The following DENND4A variants were observed in gnomAD, a reference collection of about 807,000 sequenced individuals.
The protein encoded by DENND4A is C-myc promoter-binding protein.
In DENND4A, 70 loss-of-function variants were observed where a neutral mutation model predicts 199.3. That is an observed-to-expected ratio of 0.35 (90% confidence interval 0.29 to 0.43). The LOEUF (loss-of-function observed/expected upper bound fraction) is 0.43, where lower values mean the gene tolerates loss of function less well. Among genes scored for constraint, DENND4A ranks in the 20% least tolerant of loss-of-function variants. The probability of loss-of-function intolerance (pLI) is 1.00; values close to 1 mark genes in which losing one functional copy is unlikely to be tolerated. For synonymous variants in DENND4A, 686 were observed against 766.9 expected (o/e 0.89, Z 1.74); for missense variants, 1,723 against 2,255.8 (o/e 0.76, Z 4.78).
chr15:65,749,665 C>A (rs1430459442), intron 4 of DENND4A, among the ~76,000 whole-genome samples: 1 of 151,656 alleles, frequency 6.6e-6, no homozygotes, highest in Non-Finnish European at 1.5e-5. Flanking sequence ...ACAATATTAT[C>A]AACCTCCACA....
chr15:65,755,317 T>C (rs965679003), intron 3 of DENND4A, among the ~76,000 whole-genome samples: 9 of 152,226 alleles, frequency 5.9e-5, no homozygotes, highest in African/African-American at 1.7e-4. Flanking sequence ...GTGGTGATGG[T>C]TGCAAAACTC....
At chr15:65,765,182 A>T (rs1283222021) in intron 1 of DENND4A, among the ~76,000 whole-genome samples, 1 of 152,198 alleles carries the variant, frequency 6.6e-6, no homozygotes, top group African/African-American at 2.4e-5. Context: ...GGCATCACTT[A>T]AGTGTTTGCA....
At chr15:65,714,740 T>G (rs968721205) in intron 14 of DENND4A, among the ~76,000 whole-genome samples, 2 of 152,192 alleles carry the variant, frequency 1.3e-5, no homozygotes, top group Non-Finnish European at 2.9e-5. Flanking sequence ...CTGTTTAGGT[T>G]CTGACACCCT....
intron 1 of DENND4A, among the ~76,000 whole-genome samples, chr15:65,783,431 T>C (rs1031794571): frequency 1.3e-4 from 20 of 152,222 alleles, no homozygotes; most frequent in African/African-American, 4.6e-4. Flanking sequence ...TACCTCAATA[T>C]AGATACAGAT....
chr15:65,687,165 C>CTGTATTTTT (rs769363641), intron 23 of DENND4A, among the ~76,000 whole-genome samples: 1 of 152,066 alleles, frequency 6.6e-6, no homozygotes, highest in Non-Finnish European at 1.5e-5. Flanking sequence ...CTACATCTCA[C>CTGTATTTTT]TGTATTTTTT....
intron 12 of DENND4A, among the ~76,000 whole-genome samples, chr15:65,720,413 ATT>A (rs200076757): frequency 5.7e-5 from 8 of 141,204 alleles, no homozygotes; most frequent in Admixed American, 7.1e-5. Context: ...AAAGCCTAGG[ATT>A]TTTTTTTTTT....
At chr15:65,699,275 C>T (rs60740684) in intron 20 of DENND4A, among the ~76,000 whole-genome samples, 2 of 151,870 alleles carry the variant, frequency 1.3e-5, no homozygotes, top group African/African-American at 4.8e-5. Flanking sequence ...GAGATAGGGG[C>T]CTTCATATTT....
At chr15:65,681,881 T>C (rs1474327391) in intron 23 of DENND4A, among the ~76,000 whole-genome samples, 1 of 152,186 alleles carries the variant, frequency 6.6e-6, no homozygotes, top group African/African-American at 2.4e-5. Flanking sequence ...GCTTTTCTAT[T>C]GGAGCTCTTG....
rs2075816195 is a variant in DENND4A, at chr15:65,660,422, TA to T, written c.*1428del. On this transcript the variant is annotated 3_prime_UTR_variant, in exon 33 of 33. Transcript: ENST00000443035. ...CAAGTGTCGTGGACTCTACTGGCTT[TA>T]TACACCTAATTTGGGACTATCCATT... 4.9e-6 allele frequency: 4 copies of T among 823,214 alleles called. No individual in the cohort carries two copies. In the Admixed American group the frequency reaches 1.1e-4, roughly 22 times the overall value. 51.0% of individuals were successfully genotyped at this position (823,214 alleles called of 1,614,324 possible). A position where few individuals can be genotyped will look rare whatever the true frequency, so the allele number is the denominator to read the frequency against.
intron 20 of DENND4A, among the ~76,000 whole-genome samples, chr15:65,699,466 C>T (rs1016035870): frequency 2.0e-5 from 3 of 151,608 alleles, no homozygotes; most frequent in Admixed American, 6.6e-5. Flanking sequence ...CGAACTTATA[C>T]TTCTATGAAA....
chr15:65,664,092 G>T (rs953380495), intron 32 of DENND4A, among the ~76,000 whole-genome samples: 1 of 151,998 alleles, frequency 6.6e-6, no homozygotes, highest in Non-Finnish European at 1.5e-5. Flanking sequence ...TCACAAGATT[G>T]TACAACTATC....
At chr15:65,783,946 A>T in intron 1 of DENND4A, among the ~76,000 whole-genome samples, 1 of 152,188 alleles carries the variant, frequency 6.6e-6, no homozygotes, top group Non-Finnish European at 1.5e-5. Context: ...TGTTTCCAAA[A>T]AGACGAGTAC....
At chr15:65,705,393 C>T (rs1376543009) in intron 15 of DENND4A, among the ~76,000 whole-genome samples, 3 of 152,060 alleles carry the variant, frequency 2.0e-5, no homozygotes, top group Non-Finnish European at 4.4e-5. Context: ...CTAAAAGAAA[C>T]TACAATTTTA....
intron 19 of DENND4A, 124 bp from the exon 20 acceptor site, chr15:65,700,799 T>C (rs778575843): frequency 1.9e-6 from 2 of 1,073,382 alleles, no homozygotes; most frequent in Non-Finnish European, 2.5e-6. Flanking sequence ...CTTAGCAAAA[T>C]ACAACTATAA....
intron 13 of DENND4A, among the ~76,000 whole-genome samples, chr15:65,716,225 CTTTT>C (rs566586671): frequency 1.4e-5 from 2 of 147,922 alleles, no homozygotes; most frequent in Non-Finnish European, 3.0e-5. Flanking sequence ...TAATTTCTTT[CTTTT>C]TTTTTTCTTT....
intron 14 of DENND4A, among the ~76,000 whole-genome samples, chr15:65,707,832 C>G (rs889899834): frequency 4.6e-5 from 7 of 151,884 alleles, no homozygotes; most frequent in Non-Finnish European, 4.4e-5. Flanking sequence ...ACTACAAGTG[C>G]GTGCCACCAC....
intron 1 of DENND4A, among the ~76,000 whole-genome samples, chr15:65,782,434 C>T (rs74363021): frequency 0.039 from 5,880 of 152,138 alleles, 389 homozygotes; most frequent in African/African-American, 0.14. Context: ...CCTTCATTAC[C>T]CTTACTACTC....
At chr15:65,757,746 G>A (rs1326254315) in intron 2 of DENND4A, among the ~76,000 whole-genome samples, 2 of 152,198 alleles carry the variant, frequency 1.3e-5, no homozygotes, top group African/African-American at 4.8e-5. Flanking sequence ...ATTTTGGGAG[G>A]CCGAGGAGGG....
chr15:65,697,930 A>G (rs1292379153), intron 20 of DENND4A, among the ~76,000 whole-genome samples: 1 of 152,174 alleles, frequency 6.6e-6, no homozygotes, highest in Non-Finnish European at 1.5e-5. Context: ...GAATGAGATA[A>G]AAATCTAGTG....
Sources: gnomAD v4.1 joint callset for allele counts (sites outside exome capture counted in the v4.1 genomes callset) on GRCh38, gnomAD v4.1.1 for gene constraint, MANE v1.5 for transcripts, NCBI Gene and HGNC (gene_info 2026-07-23, HGNC 2026-07-21) for gene names.